The following CSMD3 variants were observed in gnomAD, a reference collection of about 807,000 sequenced individuals.
The protein encoded by CSMD3 is CUB and Sushi multiple domains 3, also known as CUB and sushi domain-containing protein 3.
A neutral mutation model predicts 435.2 loss-of-function variants in CSMD3; 177 were observed. The observed-to-expected ratio is 0.41, with a 90% CI of 0.36 to 0.46. The LOEUF (loss-of-function observed/expected upper bound fraction) is 0.46. CSMD3 is among the 20% of genes least tolerant of loss of function. The probability of loss-of-function intolerance (pLI) is 0.34; values close to 1 mark genes in which losing one functional copy is unlikely to be tolerated. For missense variants in CSMD3, 4,265 were observed against 4,504.6 expected (o/e 0.95, Z 1.52); for synonymous variants, 1,656 against 1,520.5 (o/e 1.09, Z -2.07).
chr8:113,185,136 A>G (rs2092480027), intron 3 of CSMD3, among the ~76,000 whole-genome samples: 1 of 152,024 alleles, frequency 6.6e-6, no homozygotes, highest in Admixed American at 6.6e-5. Flanking sequence ...ATTCACTGTT[A>G]ACTCAAATTT....
intron 11 of CSMD3, among the ~76,000 whole-genome samples, chr8:112,849,321 T>C (rs1448465932): frequency 6.6e-6 from 1 of 152,008 alleles, no homozygotes; most frequent in African/African-American, 2.4e-5. Flanking sequence ...TTGATAAAAG[T>C]ATATTACATT....
chr8:112,273,858 A>C (rs1460331007), intron 59 of CSMD3, among the ~76,000 whole-genome samples: 1 of 151,976 alleles, frequency 6.6e-6, no homozygotes, highest in East Asian at 1.9e-4. Context: ...ATGCTCCACC[A>C]TAAAGGGCCA....
chr8:112,449,987 G>T (rs62516470), intron 32 of CSMD3, among the ~76,000 whole-genome samples: 28,200 of 152,086 alleles, frequency 0.19, 3,187 homozygotes, highest in Middle Eastern at 0.36. Context: ...GACTCCCAAA[G>T]TTCTGGGATT....
Position 112,587,160 on chromosome 8 carries a change from T to C in CSMD3, c.3791A>G (p.Asn1264Ser), listed in dbSNP as rs751199931. 2 of 1,609,942 alleles carry C rather than the reference T, an allele frequency of 1.2e-6. No individual in the cohort carries two copies. The highest frequency in any genetic ancestry group is 1.1e-5 in the South Asian group (1 of 90,992). The change falls in exon 23 of 71, where the codon AAC becomes AGC. Residue 1264 changes from asparagine (N) to serine (S), a missense_variant. Transcript: ENST00000297405. ...CTGAATACTATAAATGCATTCATGG[T>C]TGTTTTCATAGTTGAGTGGATAATT... is the stretch of plus-strand genomic sequence containing the variant. ...SPNYPLNYEN[N>S]HECIYSIQVQ...
intron 27 of CSMD3, among the ~76,000 whole-genome samples, chr8:112,537,700 C>A (rs563869416): frequency 6.6e-6 from 1 of 151,448 alleles, no homozygotes; most frequent in South Asian, 2.1e-4. Flanking sequence ...CTTGAGCAGA[C>A]CAATAACAAG....
chr8:112,528,382 C>G (rs1277123037), intron 27 of CSMD3, among the ~76,000 whole-genome samples: 1 of 150,188 alleles, frequency 6.7e-6, no homozygotes, highest in Non-Finnish European at 1.5e-5. Context: ...AGGATTTAAA[C>G]ACAGTAAACC....
At chr8:113,235,120 G>A (rs2093133136) in intron 3 of CSMD3, among the ~76,000 whole-genome samples, 1 of 152,078 alleles carries the variant, frequency 6.6e-6, no homozygotes, top group Non-Finnish European at 1.5e-5. Context: ...CTTTCAAATT[G>A]TGGTGAAAGT....
At chr8:112,494,155 AG>A (rs1360226215) in intron 30 of CSMD3, among the ~76,000 whole-genome samples, 1 of 152,132 alleles carries the variant, frequency 6.6e-6, no homozygotes, top group African/African-American at 2.4e-5. Context: ...TGCTTTAAGA[AG>A]AACACTATAT....
chr8:112,544,315 A>G (rs1826955730), intron 27 of CSMD3, among the ~76,000 whole-genome samples: 1 of 152,172 alleles, frequency 6.6e-6, no homozygotes, highest in African/African-American at 2.4e-5. Flanking sequence ...TTAATATATC[A>G]GGTACTTTAA....
chr8:113,195,882 T>G (rs2132006471), intron 3 of CSMD3, among the ~76,000 whole-genome samples: 1 of 147,726 alleles, frequency 6.8e-6, no homozygotes, highest in East Asian at 2.0e-4. Context: ...TGTTAAGGGT[T>G]TGGGAACAAA....
At chr8:112,389,007 T>C (rs779626751) in intron 36 of CSMD3, among the ~76,000 whole-genome samples, 7 of 151,912 alleles carry the variant, frequency 4.6e-5, no homozygotes, top group Non-Finnish European at 8.8e-5. Context: ...TGTCCTAGGA[T>C]CTAAGGAGAA....
intron 46 of CSMD3, 103 bp downstream of exon 46, chr8:112,319,798 A>AG: frequency 4.9e-6 from 4 of 820,746 alleles, no homozygotes; most frequent in Non-Finnish European, 8.7e-6. Context: ...ACAGGGAATG[A>AG]GGGTCTCAAG....
At chr8:113,097,447 G>A (rs778180727) in intron 5 of CSMD3, among the ~76,000 whole-genome samples, 7 of 151,674 alleles carry the variant, frequency 4.6e-5, no homozygotes, top group Non-Finnish European at 8.8e-5. Context: ...TGACTCCTTC[G>A]GTTTTCTTTT....
intron 1 of CSMD3, among the ~76,000 whole-genome samples, chr8:113,371,214 T>G (rs549478927): frequency 6.6e-6 from 1 of 152,258 alleles, no homozygotes; most frequent in South Asian, 2.1e-4. Flanking sequence ...ATTACTTAAC[T>G]ACTTCCTTTT....
chr8:112,527,611 T>A (rs1825105631), intron 27 of CSMD3, among the ~76,000 whole-genome samples: 1 of 151,980 alleles, frequency 6.6e-6, no homozygotes, highest in African/African-American at 2.4e-5. Context: ...AATATACTTT[T>A]TTTTAGGTAG....
At chr8:113,346,501 A>C (rs932326965) in intron 1 of CSMD3, among the ~76,000 whole-genome samples, 3 of 152,144 alleles carry the variant, frequency 2.0e-5, no homozygotes, top group Non-Finnish European at 4.4e-5. Flanking sequence ...CTAGCTGACA[A>C]GTGCCAAGGA....
intron 13 of CSMD3, among the ~76,000 whole-genome samples, chr8:112,791,123 G>A (rs2078678069): frequency 6.6e-6 from 1 of 151,964 alleles, no homozygotes; most frequent in South Asian, 2.1e-4. Context: ...AAGAGTTCGA[G>A]ACCAGCCTGG....
intron 22 of CSMD3, among the ~76,000 whole-genome samples, chr8:112,623,807 T>A (rs1834268755): frequency 6.6e-6 from 1 of 152,114 alleles, no homozygotes; most frequent in Non-Finnish European, 1.5e-5. Flanking sequence ...AAATTGCTAA[T>A]GTCTAGTTCA....
intron 10 of CSMD3, among the ~76,000 whole-genome samples, chr8:112,888,995 T>C (rs2081697245): frequency 6.6e-6 from 1 of 151,670 alleles, no homozygotes; most frequent in South Asian, 2.1e-4. Flanking sequence ...TAACAAACAT[T>C]GATTCCACTG....
Sources: allele counts gnomAD v4.1 joint callset (sites outside exome capture counted in the v4.1 genomes callset), GRCh38; gene constraint gnomAD v4.1.1; transcripts MANE v1.5; gene names NCBI Gene and HGNC (gene_info 2026-07-23, HGNC 2026-07-21).